BAALC: variants seen among roughly 807,000 people sequenced by gnomAD.
The protein encoded by BAALC is brain and acute leukemia cytoplasmic protein.
BAALC carries 9 observed loss-of-function variants against 15.5 expected under a neutral mutation model. The observed-to-expected ratio is 0.58, with a 90% CI of 0.35 to 1.02. The LOEUF is 1.02. Among genes scored for constraint, BAALC ranks in the 50% least tolerant of loss-of-function variants. The pLI, the probability that BAALC is intolerant of heterozygous loss-of-function variation, is 0.02. For missense variants in BAALC, 201 were observed against 192.4 expected (o/e 1.04, Z -0.27); for synonymous variants, 80 against 74.6 (o/e 1.07, Z -0.37).
intron 2 of BAALC, among the ~76,000 whole-genome samples, chr8:103,224,391 C>T (rs1389633792): frequency 8.4e-6 from 1 of 119,110 alleles, no homozygotes; most frequent in African/African-American, 3.3e-5. Context: ...ATTGGTTTGG[C>T]TCAGAAAGGC....
intron 1 of BAALC, among the ~76,000 whole-genome samples, chr8:103,206,998 C>T (rs1024034854): frequency 3.3e-5 from 5 of 152,160 alleles, no homozygotes; most frequent in African/African-American, 4.8e-5. Context: ...ATCGGCAAGG[C>T]TTCTCCTGGT....
chr8:103,225,848 G>C (rs1422737926), intron 2 of BAALC, among the ~76,000 whole-genome samples: 1 of 152,158 alleles, frequency 6.6e-6, no homozygotes, highest in African/African-American at 2.4e-5. Flanking sequence ...CTCTGGCAGA[G>C]TAAAGGGGAT....
At chr8:103,200,047 C>G (rs891960641) in intron 1 of BAALC, among the ~76,000 whole-genome samples, 18 of 152,226 alleles carry the variant, frequency 1.2e-4, no homozygotes, top group African/African-American at 4.3e-4. Context: ...TTTTCTTTAT[C>G]TAGTCTATCA....
chr8:103,191,039 A>G (rs1455645425), intron 1 of BAALC: 1 of 152,110 alleles, frequency 6.6e-6, no homozygotes, highest in African/African-American at 2.4e-5. Context: ...CTACTAATAA[A>G]ATACAAGAAA....
intron 1 of BAALC, among the ~76,000 whole-genome samples, chr8:103,152,361 A>G (rs1263626301): frequency 1.3e-5 from 2 of 151,936 alleles, no homozygotes; most frequent in African/African-American, 2.4e-5. Context: ...ACTTGCTGCA[A>G]TGTGCTTCCT....
chr8:103,182,542 C>T (rs1037303711), intron 1 of BAALC, among the ~76,000 whole-genome samples: 1 of 152,250 alleles, frequency 6.6e-6, no homozygotes, highest in Non-Finnish European at 1.5e-5. Context: ...GTCTTCATGA[C>T]TTCTGGAATC....
chr8:103,156,919 C>G (rs1811104955), intron 1 of BAALC: 1 of 152,240 alleles, frequency 6.6e-6, no homozygotes, highest in African/African-American at 2.4e-5. Flanking sequence ...TAAATAGAAG[C>G]TACTAAAATC....
At chr8:103,201,590 TTC>T (rs1289764102) in intron 1 of BAALC, among the ~76,000 whole-genome samples, 2 of 152,232 alleles carry the variant, frequency 1.3e-5, no homozygotes, top group African/African-American at 2.4e-5. Context: ...ATTCAAATTC[TTC>T]TCTTTCTTCT....
At chr8:103,225,374 T>C (rs559094449) in intron 2 of BAALC, among the ~76,000 whole-genome samples, 108 of 152,364 alleles carry the variant, frequency 7.1e-4, no homozygotes, top group Non-Finnish European at 1.4e-3. Flanking sequence ...TATCCTTAAA[T>C]GTTCCTCAAA....
intron 1 of BAALC, among the ~76,000 whole-genome samples, chr8:103,197,649 A>G (rs59329205): frequency 0.019 from 2,894 of 152,294 alleles, 92 homozygotes; most frequent in African/African-American, 0.066. Context: ...GCTTTACAGA[A>G]AGCATGGTAC....
chr8:103,217,886 G>A (rs1337915136), intron 2 of BAALC, among the ~76,000 whole-genome samples: 1 of 152,220 alleles, frequency 6.6e-6, no homozygotes, highest in Non-Finnish European at 1.5e-5. Context: ...GGATCCAGGG[G>A]TAGAAAAGAC....
intron 1 of BAALC, among the ~76,000 whole-genome samples, chr8:103,192,080 T>A (rs1811981304): frequency 6.6e-6 from 1 of 152,144 alleles, no homozygotes; most frequent in African/African-American, 2.4e-5. Context: ...AGATGGAGTT[T>A]CACTCTTGTT....
intron 2 of BAALC, chr8:103,219,420 C>T (rs1377516099): frequency 2.6e-5 from 4 of 152,372 alleles, no homozygotes; most frequent in Admixed American, 6.5e-5. Context: ...CACCACTATC[C>T]TGTGATGACT....
chr8:103,188,481 C>G (rs1310953206), intron 1 of BAALC, among the ~76,000 whole-genome samples: 1 of 152,106 alleles, frequency 6.6e-6, no homozygotes, highest in Non-Finnish European at 1.5e-5. Context: ...AGTTCAGGCT[C>G]TGTATAACAG....
At chr8:103,177,167 T>G (rs543306204) in intron 1 of BAALC, among the ~76,000 whole-genome samples, 4 of 150,192 alleles carry the variant, frequency 2.7e-5, no homozygotes, top group East Asian at 1.9e-4. Flanking sequence ...GTGCGGGTTT[T>G]TTGTTGTTGT....
At chr8:103,180,803 T>C (rs1811709919) in intron 1 of BAALC, among the ~76,000 whole-genome samples, 2 of 152,318 alleles carry the variant, frequency 1.3e-5, no homozygotes, top group African/African-American at 4.8e-5. Flanking sequence ...TAGATAGGAT[T>C]GAAAATGAAC....
intron 1 of BAALC, chr8:103,157,128 ACAC>A (rs1811112231): frequency 4.4e-5 from 2 of 45,890 alleles, no homozygotes; most frequent in Non-Finnish European, 9.2e-5. Context: ...GTGTAGGTAC[ACAC>A]ACACACACAC....
intron 1 of BAALC, among the ~76,000 whole-genome samples, chr8:103,191,800 A>AG (rs1331819718): frequency 6.6e-6 from 1 of 152,206 alleles, no homozygotes; most frequent in Non-Finnish European, 1.5e-5. Flanking sequence ...ACTTGTCAAA[A>AG]GGGGGAGCTC....
intron 1 of BAALC, among the ~76,000 whole-genome samples, chr8:103,192,773 T>C (rs1338151004): frequency 2.0e-5 from 3 of 152,232 alleles, no homozygotes; most frequent in Non-Finnish European, 4.4e-5. Flanking sequence ...ACACAGTTCC[T>C]GAGCTGCCAT....
Sources: allele counts gnomAD v4.1 joint callset (sites outside exome capture counted in the v4.1 genomes callset), GRCh38; gene constraint gnomAD v4.1.1; transcripts MANE v1.5; gene names NCBI Gene and HGNC (gene_info 2026-07-23, HGNC 2026-07-21).